The following WWTR1 variants were observed in gnomAD, a reference collection of about 807,000 sequenced individuals.
WWTR1 encodes WW domain containing transcription regulator 1.
A neutral mutation model predicts 40.1 loss-of-function variants in WWTR1; 13 were observed. The observed-to-expected ratio is 0.32, with a 90% confidence interval of 0.21 to 0.52. WWTR1 has a LOEUF of 0.52. WWTR1 is among the 20% of genes least tolerant of loss of function. WWTR1 has a pLI of 0.97. For synonymous variants in WWTR1, 230 were observed against 210.1 expected (o/e 1.09, Z -0.82); for missense variants, 436 against 523.1 (o/e 0.83, Z 1.63).
At chr3:149,715,525 G>A (rs890935900) in intron 5 of WWTR1, among the ~76,000 whole-genome samples, 7 of 152,210 alleles carry the variant, frequency 4.6e-5, no homozygotes, top group African/African-American at 9.6e-5. Context: ...ATCCCTTGCC[G>A]CTCCACACCT....
At chr3:149,694,779 C>T (rs1714929432) in intron 1 of WWTR1, among the ~76,000 whole-genome samples, 1 of 152,190 alleles carries the variant, frequency 6.6e-6, no homozygotes, top group African/African-American at 2.4e-5. Context: ...AACTAAAAAA[C>T]TACCATATGA....
chr3:149,648,251 A>C (rs966509164), intron 2 of WWTR1, among the ~76,000 whole-genome samples: 3 of 152,116 alleles, frequency 2.0e-5, no homozygotes, highest in African/African-American at 7.2e-5. Context: ...AGCATGGAAG[A>C]CTCCTACGAA....
In WWTR1 at chr3:149,581,882, C is replaced by A. The variant is rs530417014; in HGVS notation, c.432-8882G>T. Among the ~76,000 whole-genome samples, 6 of 152,282 alleles carry A rather than the reference C, an allele frequency of 3.9e-5. No individual in the cohort carries two copies. In the East Asian group the frequency reaches 1.2e-3, roughly 29 times the overall value. ...CCACCGACTTTTCTGCAGACTCATT[C>A]TGTCTGAACCTACTCAGTCAGGCAG... is the stretch of plus-strand genomic sequence containing the variant. On this transcript the variant is annotated intron_variant, in intron 2 of 6. Transcript: ENST00000360632.
At chr3:149,573,275 T>A (rs183024357) in intron 2 of WWTR1, among the ~76,000 whole-genome samples, 2 of 152,134 alleles carry the variant, frequency 1.3e-5, no homozygotes, top group East Asian at 3.9e-4. Context: ...CCAGTGAACT[T>A]CCCCTCGGCC....
chr3:149,559,031 C>T (rs144486919), intron 3 of WWTR1, among the ~76,000 whole-genome samples: 3 of 152,230 alleles, frequency 2.0e-5, no homozygotes, highest in African/African-American at 7.2e-5. Context: ...CGGTGGCTCA[C>T]GCCTGTATTC....
intron 1 of WWTR1, among the ~76,000 whole-genome samples, chr3:149,673,968 C>T (rs1384576407): frequency 4.0e-5 from 6 of 150,534 alleles, no homozygotes; most frequent in Non-Finnish European, 8.8e-5. Context: ...TCCCAGCGCA[C>T]TTTGGAAGGC....
chr3:149,620,618 A>G (rs1413451101), intron 2 of WWTR1, among the ~76,000 whole-genome samples: 1 of 149,238 alleles, frequency 6.7e-6, no homozygotes, highest in African/African-American at 2.4e-5. Context: ...TTAAAACAAC[A>G]TAGAGTATCT....
At chr3:149,644,656 C>T (rs1712382707) in intron 2 of WWTR1, among the ~76,000 whole-genome samples, 1 of 152,206 alleles carries the variant, frequency 6.6e-6, no homozygotes, top group Admixed American at 6.5e-5. Context: ...GTAACAGAGA[C>T]TTCCCACAAT....
chr3:149,540,347 G>A (rs1736035949), intron 4 of WWTR1: 2 of 450,598 alleles, frequency 4.4e-6, no homozygotes, highest in African/African-American at 4.0e-5. Context: ...TGGAATAAAG[G>A]AAACAATTTG....
chr3:149,561,431 A>T (rs1241199991), intron 3 of WWTR1, among the ~76,000 whole-genome samples: 2 of 152,180 alleles, frequency 1.3e-5, no homozygotes, highest in African/African-American at 2.4e-5. Context: ...AAGAAAACAC[A>T]CTTTATTGGT....
At position 149,542,437 on chromosome 3, in the gene WWTR1, A is replaced by G; in HGVS notation, c.669T>C (p.Asn223=). ...GCTGCTGCTGCTGAGTGGTCAGCGC[A>G]TTGGGCATACTCATGAGCCCTGCGG... ...NPPAGLMSMP[N]ALTTQQQQQQ... Residue 223 remains asparagine, a synonymous_variant, in exon 4 of 7, where the codon AAT becomes AAC. Transcript: ENST00000360632. 1.2e-6 allele frequency: 2 copies of G among 1,614,078 alleles called. No homozygotes were observed. Among genetic ancestry groups the G allele is most frequent in the Admixed American group, 1.7e-5 (1 of 60,008 alleles).
intron 2 of WWTR1, among the ~76,000 whole-genome samples, chr3:149,609,435 C>T (rs1431802956): frequency 1.3e-5 from 2 of 152,158 alleles, no homozygotes; most frequent in East Asian, 3.8e-4. Context: ...TTTTGTACAA[C>T]AGGGAATCTA....
At chr3:149,582,391 ATT>A (rs891073141) in intron 2 of WWTR1, among the ~76,000 whole-genome samples, 1 of 151,220 alleles carries the variant, frequency 6.6e-6, no homozygotes, top group Admixed American at 6.6e-5. Flanking sequence ...TAGTACCAGC[ATT>A]TTTTTTTCTC....
chr3:149,632,100 CAG>C (rs1174827320), intron 2 of WWTR1, among the ~76,000 whole-genome samples: 1 of 152,088 alleles, frequency 6.6e-6, no homozygotes, highest in Non-Finnish European at 1.5e-5. Flanking sequence ...TTTGTAGAGA[CAG>C]AGTCTCACTA....
chr3:149,628,345 G>A (rs1348173366), intron 2 of WWTR1, among the ~76,000 whole-genome samples: 2 of 152,236 alleles, frequency 1.3e-5, no homozygotes, highest in African/African-American at 4.8e-5. Flanking sequence ...CTCCAGCCTG[G>A]GCAACAGAGC....
intron 4 of WWTR1, among the ~76,000 whole-genome samples, chr3:149,535,457 G>A (rs909949468): frequency 2.6e-5 from 4 of 151,926 alleles, no homozygotes; most frequent in African/African-American, 7.3e-5. Context: ...CACACTTCCC[G>A]GAGACTGCCT....
intron 2 of WWTR1, among the ~76,000 whole-genome samples, chr3:149,669,113 G>C (rs1382344656): frequency 1.3e-5 from 2 of 152,080 alleles, no homozygotes; most frequent in Non-Finnish European, 2.9e-5. Context: ...TTTCACCACT[G>C]CCAGGGGTTT....
chr3:149,620,571 C>CG (rs397809916), intron 2 of WWTR1, among the ~76,000 whole-genome samples: 3 of 130,282 alleles, frequency 2.3e-5, no homozygotes, highest in African/African-American at 9.5e-5. Flanking sequence ...CGCTCCCCCC[C>CG]ACACACACAC....
chr3:149,588,181 C>G (rs1029844481), intron 2 of WWTR1, among the ~76,000 whole-genome samples: 1 of 152,170 alleles, frequency 6.6e-6, no homozygotes, highest in Admixed American at 6.5e-5. Context: ...AATAGACATA[C>G]GTTTCTGCTT....
Sources: allele counts gnomAD v4.1 joint callset (sites outside exome capture counted in the v4.1 genomes callset), GRCh38; gene constraint gnomAD v4.1.1; transcripts MANE v1.5; gene names NCBI Gene and HGNC (gene_info 2026-07-23, HGNC 2026-07-21).